AGAP1: variants seen among roughly 807,000 people sequenced by gnomAD.
AGAP1 encodes arf-GAP with GTPase, ANK repeat and PH domain-containing protein 1.
In AGAP1, 29 loss-of-function variants were observed where a neutral mutation model predicts 105.3. That is an observed-to-expected ratio of 0.28 (90% CI 0.21 to 0.38). The LOEUF (loss-of-function observed/expected upper bound fraction) is 0.38. Ranked by LOEUF, AGAP1 falls within the 10% of genes least tolerant of loss-of-function variation. AGAP1 has a pLI of 1.00. For missense variants in AGAP1, 998 were observed against 1,165.1 expected (o/e 0.86, Z 2.09); for synonymous variants, 509 against 485.9 (o/e 1.05, Z -0.63).
intron 16 of AGAP1, among the ~76,000 whole-genome samples, chr2:236,108,849 CTT>C (rs1576325366): frequency 6.6e-6 from 1 of 152,150 alleles, no homozygotes; most frequent in East Asian, 1.9e-4. Flanking sequence ...TGCCCGCTCT[CTT>C]GTCTGTGTCC....
intron 2 of AGAP1, among the ~76,000 whole-genome samples, chr2:235,709,629 A>G (rs1950737791): frequency 6.6e-6 from 1 of 152,144 alleles, no homozygotes. Context: ...TGTTCTTTGC[A>G]GGATGTCACG....
At chr2:236,107,770 C>A (rs889334881) in intron 16 of AGAP1, among the ~76,000 whole-genome samples, 1 of 152,224 alleles carries the variant, frequency 6.6e-6, no homozygotes, top group African/African-American at 2.4e-5. Context: ...CACATCCTCG[C>A]TCTCCTGGGC....
Position 235,659,523 on chromosome 2 carries a change from TG to T in AGAP1, c.164-49655del, listed in dbSNP as rs1215617879. 1.3e-5 allele frequency among the ~76,000 whole-genome samples: 2 copies of T among 152,176 alleles called. No individual in the cohort carries two copies. Among genetic ancestry groups the T allele is most frequent in the African/African-American group, 4.8e-5 (2 of 41,460 alleles). On this transcript the variant is annotated intron_variant, in intron 1 of 17. Coordinates refer to ENST00000304032, the MANE Select transcript of AGAP1 (RefSeq NM_001037131.3). This position sits in a 1 kb window ranked among gnomAD's most constrained non-coding sequence, Gnocchi z 5.0. Reference sequence around the variant, plus strand: ...CAGGGTGCTATATGAACACATGTTTTGTGGGTCACTTGCCAGGCGTCAGTGC... The same window carrying T: ...CAGGGTGCTATATGAACACATGTTTTTGGGTCACTTGCCAGGCGTCAGTGC...
At chr2:235,564,666 AG>A in intron 1 of AGAP1, among the ~76,000 whole-genome samples, 1 of 139,490 alleles carries the variant, frequency 7.2e-6, no homozygotes, top group African/African-American at 3.0e-5. Context: ...ACCCAGGGCC[AG>A]GTGTGAGCCT....
chr2:235,686,646 GATATATATAT>G (rs869287617), intron 1 of AGAP1, among the ~76,000 whole-genome samples: 1 of 18,822 alleles, frequency 5.3e-5, no homozygotes, highest in Admixed American at 7.8e-4. Flanking sequence ...TATATATATA[GATATATATAT>G]ATATATATAT....
chr2:235,920,343 G>A (rs770451530), intron 11 of AGAP1, among the ~76,000 whole-genome samples: 1 of 152,190 alleles, frequency 6.6e-6, no homozygotes, highest in Admixed American at 6.5e-5. Flanking sequence ...CAGTAACCCA[G>A]GGATGGGAGG....
At position 235,792,658 on chromosome 2, in the gene AGAP1, T is replaced by C. The variant is rs964190834; in HGVS notation, c.674-5101T>C. ...TCTGGTGGTTGAACCAATCATCTGT[T>C]AGGTCTGTTCTGTCCATGGTGAAGA... On this transcript the variant is annotated intron_variant, in intron 6 of 17. Transcript: ENST00000304032. The surrounding 1 kb of genome is among the most constrained non-coding windows in gnomAD (Gnocchi z 5.3). Among the ~76,000 whole-genome samples the C allele has an allele frequency of 1.3e-5, 2 of 152,184 alleles. No individual in the cohort carries two copies. Among genetic ancestry groups the C allele is most frequent in the East Asian group, 3.9e-4 (2 of 5,182 alleles).
chr2:235,823,446 T>A (rs1958910157), intron 9 of AGAP1, among the ~76,000 whole-genome samples: 2 of 152,060 alleles, frequency 1.3e-5, no homozygotes, highest in Admixed American at 1.3e-4. Flanking sequence ...CTAGAGTGCT[T>A]TTCCCTGTGC....
rs1401766465 is a variant in AGAP1, at chr2:235,631,900, C to T, written c.164-77279C>T. On this transcript the variant is annotated intron_variant, in intron 1 of 17. Coordinates refer to ENST00000304032, the MANE Select transcript of AGAP1 (RefSeq NM_001037131.3). This position sits in a 1 kb window ranked among gnomAD's most constrained non-coding sequence, Gnocchi z 5.4. ...AGCTTCTGGAAGGCCTGCCTTTGAC[C>T]CTTCCTTTCTGCTTTTTCCATCTGT... is the stretch of plus-strand genomic sequence containing the variant. Among the ~76,000 whole-genome samples, 1 of 152,162 alleles carries T rather than the reference C, an allele frequency of 6.6e-6. No individual in the cohort carries two copies.
At chr2:235,803,036 G>T in intron 8 of AGAP1, among the ~76,000 whole-genome samples, 1 of 151,252 alleles carries the variant, frequency 6.6e-6, no homozygotes, top group Non-Finnish European at 1.5e-5. Context: ...TGGTTGTGAT[G>T]GTGATGATGG....
chr2:235,734,901 T>C lies in AGAP1; in HGVS notation c.311-6062T>C, dbSNP rs1370658470. ...TGCTGGCCGTGGAGCTCTTGCTCTG[T>C]GTCTGAACTCCTTTTCCTCCTGAGT... is the stretch of plus-strand genomic sequence containing the variant. On this transcript the variant is annotated intron_variant, in intron 3 of 17. Coordinates refer to ENST00000304032, the MANE Select transcript of AGAP1 (RefSeq NM_001037131.3). This position sits in a 1 kb window ranked among gnomAD's most constrained non-coding sequence, Gnocchi z 5.3. 3.9e-5 allele frequency among the ~76,000 whole-genome samples: 6 copies of C among 152,228 alleles called. No individual in the cohort carries two copies. Among genetic ancestry groups the C allele is most frequent in the Non-Finnish European group, 7.3e-5 (5 of 68,044 alleles).
In AGAP1 at chr2:236,114,640, G is replaced by A. The variant is rs2059725960; in HGVS notation, c.2115-5552G>A. On this transcript the variant is annotated intron_variant, in intron 16 of 17. Coordinates refer to ENST00000304032, the MANE Select transcript of AGAP1 (RefSeq NM_001037131.3). The surrounding 1 kb of genome is among the most constrained non-coding windows in gnomAD (Gnocchi z 5.0). ...TGTGTCCTGCCTTTCCTCCGGGTGT[G>A]CTCAGAGGGAGAGAGACATCACCAG... Among the ~76,000 whole-genome samples the A allele has an allele frequency of 6.6e-6, 1 of 152,130 alleles. No individual in the cohort carries two copies. The highest frequency in any genetic ancestry group is 1.5e-5 in the Non-Finnish European group (1 of 68,022).
chr2:235,523,453 C>T (rs1385621935), intron 1 of AGAP1, among the ~76,000 whole-genome samples: 4 of 152,180 alleles, frequency 2.6e-5, no homozygotes, highest in Admixed American at 1.3e-4. Flanking sequence ...GGACTGCTTC[C>T]CATCGGTGCC....
At chr2:236,112,510 C>T (rs1259163861) in intron 16 of AGAP1, among the ~76,000 whole-genome samples, 1 of 152,206 alleles carries the variant, frequency 6.6e-6, no homozygotes, top group Non-Finnish European at 1.5e-5. Flanking sequence ...CTCTCCATCC[C>T]CCGTTCCCTC....
intron 6 of AGAP1, among the ~76,000 whole-genome samples, chr2:235,790,891 C>T (rs536724482): frequency 2.0e-5 from 3 of 152,302 alleles, no homozygotes; most frequent in Admixed American, 6.5e-5. Context: ...CTTTAGTAGA[C>T]GGCACAGTTT....
rs2125917344 is a variant in AGAP1, at chr2:236,104,871, G to C, written c.2115-15321G>C. 1.3e-5 allele frequency among the ~76,000 whole-genome samples: 2 copies of C among 152,106 alleles called. No individual in the cohort carries two copies. Among genetic ancestry groups the C allele is most frequent in the South Asian group, 4.2e-4 (2 of 4,812 alleles). ...CCCAAGTTCATGCCACTGCACTGCA[G>C]CCTGGGCTACAGAGCGAGACTCTGT... is the stretch of plus-strand genomic sequence containing the variant. On this transcript the variant is annotated intron_variant, in intron 16 of 17. Coordinates refer to ENST00000304032, the MANE Select transcript of AGAP1 (RefSeq NM_001037131.3). The surrounding 1 kb of genome is among the most constrained non-coding windows in gnomAD (Gnocchi z 4.7).
In AGAP1 at chr2:235,752,487, A is replaced by G. The variant is rs1953528096; in HGVS notation, c.673+1999A>G. On this transcript the variant is annotated intron_variant, in intron 6 of 17. Coordinates refer to ENST00000304032, the MANE Select transcript of AGAP1 (RefSeq NM_001037131.3). The surrounding 1 kb of genome is among the most constrained non-coding windows in gnomAD (Gnocchi z 4.3). ...AGCCACCGCGCCTGGCTGTAAATAG[A>G]CTTTTCATGACGCAGAGCCACGCTT... Among the ~76,000 whole-genome samples, 1 of 152,102 alleles carries G rather than the reference A, an allele frequency of 6.6e-6. No individual in the cohort carries two copies. Among genetic ancestry groups the G allele is most frequent in the African/African-American group, 2.4e-5 (1 of 41,408 alleles).
chr2:235,818,048 G>T (rs140822361), intron 9 of AGAP1, among the ~76,000 whole-genome samples: 1 of 152,168 alleles, frequency 6.6e-6, no homozygotes, highest in African/African-American at 2.4e-5. Context: ...TAGTCCTCCT[G>T]GTTCAATCCG....
chr2:235,870,276 G>A (rs1008381445), intron 9 of AGAP1, among the ~76,000 whole-genome samples: 1 of 152,170 alleles, frequency 6.6e-6, no homozygotes, highest in South Asian at 2.1e-4. Flanking sequence ...ACCACGATAC[G>A]CAGGGGACAA....
Sources: gnomAD v4.1 joint callset for allele counts (sites outside exome capture counted in the v4.1 genomes callset) on GRCh38, gnomAD v4.1.1 for gene constraint, Gnocchi (gnomAD v3.1) non-coding constraint, MANE v1.5 for transcripts, NCBI Gene and HGNC (gene_info 2026-07-23, HGNC 2026-07-21) for gene names.